The following FRMPD3 variants were observed in gnomAD, a reference collection of about 807,000 sequenced individuals.
The protein encoded by FRMPD3 is FERM and PDZ domain containing 3.
In FRMPD3, 42 loss-of-function variants were observed where a neutral mutation model predicts 97.9. The ratio of observed to expected loss-of-function variants is 0.43; its 90% CI spans 0.34 to 0.55. FRMPD3 has a LOEUF of 0.55. Ranked by LOEUF, FRMPD3 falls within the 20% of genes least tolerant of loss-of-function variation. The pLI, the probability that FRMPD3 is intolerant of heterozygous loss-of-function variation, is 0.03. For missense variants in FRMPD3, 1,303 were observed against 1,457.7 expected, an observed-to-expected ratio of 0.89 and a Z score of 1.73; for synonymous variants, 577 against 581.1, an observed-to-expected ratio of 0.99 and a Z score of 0.10.
intron 1 of FRMPD3, among the ~76,000 whole-genome samples, chrX:107,489,104 C>T (rs999448334): frequency 1.9e-5 from 2 of 105,894 alleles, no homozygotes; most frequent in Non-Finnish European, 3.9e-5. Flanking sequence ...TTTGTCCTTG[C>T]GATAGTTTGC....
At chrX:107,541,096 G>T (rs1270168959) in intron 4 of FRMPD3, among the ~76,000 whole-genome samples, 10 of 113,380 alleles carry the variant, frequency 8.8e-5, no homozygotes, top group Non-Finnish European at 1.5e-4. Context: ...AAAACAGGTG[G>T]TGAGCAAGAT....
At chrX:107,539,411 A>C (rs904678573) in intron 4 of FRMPD3, among the ~76,000 whole-genome samples, 9 of 112,362 alleles carry the variant, frequency 8.0e-5, no homozygotes, top group African/African-American at 2.9e-4. Flanking sequence ...AGACCTTGGC[A>C]CACAGTAGGC....
intron 1 of FRMPD3, among the ~76,000 whole-genome samples, chrX:107,526,124 T>C (rs2147548775): frequency 8.9e-6 from 1 of 111,983 alleles, no homozygotes; most frequent in Non-Finnish European, 1.9e-5. Flanking sequence ...CATCAGGGCT[T>C]CATGAAGATG....
intron 1 of FRMPD3, among the ~76,000 whole-genome samples, chrX:107,463,864 TCAC>T (rs1931516293): frequency 8.9e-6 from 1 of 112,388 alleles, no homozygotes; most frequent in Non-Finnish European, 1.9e-5. Context: ...TAACTAGCTG[TCAC>T]CAAGCAAACC....
intron 1 of FRMPD3, among the ~76,000 whole-genome samples, chrX:107,502,709 C>A (rs914532995): frequency 8.9e-5 from 10 of 112,501 alleles, no homozygotes; most frequent in African/African-American, 3.2e-4. Context: ...CTTGACAAAT[C>A]TTCATAGAGA....
At chrX:107,492,466 A>G (rs1210914189) in intron 1 of FRMPD3, among the ~76,000 whole-genome samples, 1 of 111,806 alleles carries the variant, frequency 8.9e-6, no homozygotes, top group Non-Finnish European at 1.9e-5. Context: ...CATGGGGAAA[A>G]AAGGGTTTCT....
rs1164616834 is a variant in FRMPD3, at chrX:107,597,582, G to T, written c.1703G>T (p.Ser568Ile). Reference sequence around the variant, plus strand: ...ACCAAGTCTGACCCCACATCCAAAAGCTCTGGCCAAGGTTATGAGGTAGTC... The same window carrying T: ...ACCAAGTCTGACCCCACATCCAAAATCTCTGGCCAAGGTTATGAGGTAGTC... ...PRTKSDPTSK[S>I]SGQGYEVVPD... Residue 568 changes from serine to isoleucine, a missense_variant, in exon 14 of 15, where the codon AGC becomes ATC. Around this residue, in one of 3 missense-constraint regions of FRMPD3, gnomAD observed 535 missense variants for 618.6 expected, o/e 0.86. Transcript: ENST00000683843. 1 of 1,210,808 alleles carries T rather than the reference G, an allele frequency of 8.3e-7. No individual in the cohort carries two copies. Among genetic ancestry groups the T allele is most frequent in the South Asian group, 1.8e-5 (1 of 56,992 alleles).
In FRMPD3 at chrX:107,600,790, C is replaced by G; in HGVS notation, c.2751C>G (p.Ala917=). The G allele has an allele frequency of 1.7e-6, 2 of 1,207,914 alleles. No individual in the cohort carries two copies. The highest frequency in any genetic ancestry group is 2.2e-6 in the Non-Finnish European group (2 of 893,839). The change falls in exon 15 of 15, where the codon GCC becomes GCG. Residue 917 remains alanine, a synonymous_variant. Transcript: ENST00000683843. The part of the protein sequence containing the change: ...RAGLEMSLRA[A]TSSLSEEQVS... ...GCCTAGAAATGTCACTGAGGGCAGC[C>G]ACATCATCCCTCAGTGAAGAGCAGG...
intron 1 of FRMPD3, among the ~76,000 whole-genome samples, chrX:107,495,481 A>T (rs2147525646): frequency 8.9e-6 from 1 of 112,441 alleles, no homozygotes; most frequent in South Asian, 3.7e-4. Context: ...TTGTTCACTG[A>T]GTATCCCTAA....
intron 1 of FRMPD3, among the ~76,000 whole-genome samples, chrX:107,459,382 G>A (rs968381493): frequency 1.8e-5 from 2 of 112,452 alleles, no homozygotes; most frequent in Admixed American, 9.4e-5. Context: ...GCCAGAGTAT[G>A]GCAAGAGCTA....
At position 107,543,851 on chromosome X, in the gene FRMPD3, G is replaced by A. The variant is rs917810211; in HGVS notation, c.298-1886G>A. ...AAAAAAAAAATTAAAAATATAACCC[G>A]CACAATCCTACTTGTGGATATATAT... On this transcript the variant is annotated intron_variant, in intron 4 of 14. Coordinates refer to ENST00000683843, the MANE Select transcript of FRMPD3 (RefSeq NM_001388459.1). 9.3e-5 allele frequency among the ~76,000 whole-genome samples: 10 copies of A among 107,616 alleles called. No individual in the cohort carries two copies. In the East Asian group the frequency reaches 1.7e-3, roughly 18 times the overall value. 93.5% of individuals were successfully genotyped at this position (107,616 alleles called of 115,157 possible).
chrX:107,507,632 G>A (rs1372227400), intron 1 of FRMPD3, among the ~76,000 whole-genome samples: 1 of 112,693 alleles, frequency 8.9e-6, no homozygotes, highest in African/African-American at 3.2e-5. Context: ...GAAGCTCCGC[G>A]GGGTGGAGAA....
At position 107,554,387 on chromosome X, in the gene FRMPD3, G is replaced by C; in HGVS notation, c.645G>C (p.Val215=). Residue 215 remains valine (V), a splice_region_variant and synonymous_variant, in exon 8 of 15, where the codon GTG becomes GTC. Transcript: ENST00000683843. ...LLQDKQPLAY[V]VQRTHYHGMK... Reference sequence around the variant, plus strand: ...CCCCTTTCATCCCTGGAATTCAGGTGGTACAGCGGACACACTATCATGGAA... The same window carrying C: ...CCCCTTTCATCCCTGGAATTCAGGTCGTACAGCGGACACACTATCATGGAA... The C allele has an allele frequency of 8.3e-7, 1 of 1,207,738 alleles. No individual in the cohort carries two copies. The highest frequency in any genetic ancestry group is 1.8e-5 in the South Asian group (1 of 56,409).
intron 13 of FRMPD3, among the ~76,000 whole-genome samples, chrX:107,596,023 C>T (rs1220179393): frequency 9.1e-6 from 1 of 110,210 alleles, no homozygotes; most frequent in Admixed American, 9.7e-5. Flanking sequence ...GTGTATTTTT[C>T]CCTTCAATTC....
intron 8 of FRMPD3, among the ~76,000 whole-genome samples, chrX:107,558,180 A>G (rs953138573): frequency 9.0e-6 from 1 of 110,658 alleles, no homozygotes; most frequent in African/African-American, 3.3e-5. Context: ...TATACCTTCT[A>G]TAATTTTCCT....
At chrX:107,595,101 G>C (rs1351238807) in intron 13 of FRMPD3, among the ~76,000 whole-genome samples, 1 of 110,713 alleles carries the variant, frequency 9.0e-6, no homozygotes, top group Non-Finnish European at 1.9e-5. Context: ...CAGATCACTT[G>C]AGGCCAGGAT....
Position 107,530,434 on chromosome X carries a change from G to C in FRMPD3, c.174G>C (p.Leu58=), listed in dbSNP as rs1436828954. ...RPGGPSENKL[L]AGDQIVAINE... ...GAGGCCCCTCTGAGAACAAGCTCCT[G>C]GCTGGTGACCAGATTGTGGCTATTA... is the stretch of plus-strand genomic sequence containing the variant. The change falls in exon 3 of 15, where the codon CTG becomes CTC. Residue 58 remains leucine (L), a synonymous_variant. Coordinates refer to ENST00000683843, the MANE Select transcript of FRMPD3 (RefSeq NM_001388459.1). The C allele has an allele frequency of 8.4e-7, 1 of 1,195,081 alleles. No individual in the cohort carries two copies. The highest frequency in any genetic ancestry group is 3.0e-5 in the East Asian group (1 of 33,256).
At chrX:107,460,078 G>T (rs1931444023) in intron 1 of FRMPD3, among the ~76,000 whole-genome samples, 2 of 111,761 alleles carry the variant, frequency 1.8e-5, no homozygotes, top group South Asian at 7.5e-4. Context: ...AGTGGAAAAT[G>T]CTTATGCAGG....
intron 4 of FRMPD3, among the ~76,000 whole-genome samples, chrX:107,536,584 G>A (rs1923250357): frequency 9.0e-6 from 1 of 111,210 alleles, no homozygotes; most frequent in Non-Finnish European, 1.9e-5. Flanking sequence ...AAGGGCATTG[G>A]GTTGTTTCCA....
Sources: allele counts gnomAD v4.1 joint callset (sites outside exome capture counted in the v4.1 genomes callset), GRCh38; gene constraint gnomAD v4.1.1; regional missense constraint gnomAD v4.1.1; transcripts MANE v1.5; gene names NCBI Gene and HGNC (gene_info 2026-07-23, HGNC 2026-07-21).